FAM171A1: variants seen among roughly 807,000 people sequenced by gnomAD.
The protein encoded by FAM171A1 is family with sequence similarity 171 member A1.
FAM171A1 carries 23 observed loss-of-function variants against 74.9 expected under a neutral mutation model. That is an observed-to-expected ratio of 0.31 (90% CI 0.22 to 0.44). The LOEUF is 0.44. Among genes scored for constraint, FAM171A1 ranks in the 20% least tolerant of loss-of-function variants. FAM171A1 has a pLI of 1.00. For missense variants in FAM171A1, 1,162 were observed against 1,159.2 expected (o/e 1.00, Z -0.03); for synonymous variants, 527 against 505.7 (o/e 1.04, Z -0.57).
chr10:15,358,769 G>A (rs891746978), intron 1 of FAM171A1, among the ~76,000 whole-genome samples: 1 of 152,176 alleles, frequency 6.6e-6, no homozygotes, highest in Non-Finnish European at 1.5e-5. Flanking sequence ...CACACATGGG[G>A]TGTTTTCATC....
At chr10:15,240,853 A>G (rs1834355347) in intron 5 of FAM171A1, 2 of 404,846 alleles carry the variant, frequency 4.9e-6, no homozygotes, top group Middle Eastern at 1.2e-3. Context: ...CAGTCTGGGC[A>G]ACACAGCAAG....
chr10:15,299,760 T>C (rs1478235313), intron 1 of FAM171A1, among the ~76,000 whole-genome samples: 8 of 151,934 alleles, frequency 5.3e-5, no homozygotes, highest in Non-Finnish European at 8.8e-5. Flanking sequence ...GGGCGGATCA[T>C]GAGGTCAGGA....
In FAM171A1 at chr10:15,254,409, A is replaced by T. The variant is rs192949424; in HGVS notation, c.577+312T>A. ...TAAGTCTAATCTTATACTTAAAAAA[A>T]TTGCAATTTCAATAAGAATTTCTCT... On this transcript the variant is annotated intron_variant, in intron 4 of 7. Transcript: ENST00000378116. Among the ~76,000 whole-genome samples, 50 of 152,368 alleles carry T rather than the reference A, an allele frequency of 3.3e-4. 1 individual carries two copies. Among genetic ancestry groups the T allele is most frequent in the Admixed American group, 1.3e-3 (20 of 15,308 alleles).
chr10:15,302,119 T>A (rs1386542833), intron 1 of FAM171A1, among the ~76,000 whole-genome samples: 1 of 152,186 alleles, frequency 6.6e-6, no homozygotes, highest in South Asian at 2.1e-4. Flanking sequence ...TCCTGCTCTT[T>A]ACACCACACT....
At chr10:15,319,278 C>T (rs547631085) in intron 1 of FAM171A1, among the ~76,000 whole-genome samples, 34 of 152,234 alleles carry the variant, frequency 2.2e-4, no homozygotes, top group Admixed American at 1.1e-3. Flanking sequence ...AAAAATGATA[C>T]GTCTCCTTCC....
chr10:15,260,970 C>T (rs755821771), intron 3 of FAM171A1, among the ~76,000 whole-genome samples: 8 of 152,178 alleles, frequency 5.3e-5, no homozygotes, highest in Non-Finnish European at 8.8e-5. Context: ...TGAGAATCTC[C>T]CTGCAACGGG....
At chr10:15,321,895 A>G (rs1229698927) in intron 1 of FAM171A1, among the ~76,000 whole-genome samples, 2 of 152,198 alleles carry the variant, frequency 1.3e-5, no homozygotes, top group African/African-American at 4.8e-5. Flanking sequence ...CACACACAGC[A>G]CTGGTTTTTA....
Position 15,214,575 on chromosome 10 carries a change from T to C in FAM171A1, c.1013A>G (p.His338Arg). Reference sequence around the variant, plus strand: ...TGCAGGGAGCTGCAGTTTTCTGTGGTGCTGACGAGGTTTCAAGCACTTCCT... The same window carrying C: ...TGCAGGGAGCTGCAGTTTTCTGTGGCGCTGACGAGGTTTCAAGCACTTCCT... ...CRRKCLKPRQHHRKLQLPAGL... is the reference protein window; with the variant it reads ...CRRKCLKPRQRHRKLQLPAGL... The change falls in exon 8 of 8, where the codon CAC becomes CGC. Residue 338 changes from histidine to arginine, a missense_variant. Transcript: ENST00000378116. 1 of 1,604,554 alleles carries C rather than the reference T, an allele frequency of 6.2e-7. No homozygotes were observed. Among genetic ancestry groups the C allele is most frequent in the East Asian group, 2.2e-5 (1 of 44,640 alleles).
Position 15,213,541 on chromosome 10 carries a change from T to A in FAM171A1, c.2047A>T (p.Ser683Cys), listed in dbSNP as rs776564714. The A allele has an allele frequency of 1.2e-6, 2 of 1,614,114 alleles. No homozygotes were observed. Among genetic ancestry groups the A allele is most frequent in the South Asian group, 2.2e-5 (2 of 91,080 alleles). Residue 683 changes from serine to cysteine, a missense_variant, in exon 8 of 8, where the codon AGT (serine) becomes TGT (cysteine). Physicochemically the swap from Ser to Cys is moderately radical, Grantham distance 112. Transcript: ENST00000378116. This position sits in a 1 kb window ranked among gnomAD's most constrained non-coding sequence, Gnocchi z 6.8. ...TTTTCAGTCAGGAGCTGCACCTCAC[T>A]GTTCATCTGAGCCAAAGCCGCGTCG... Reference protein sequence around the residue: ...LNDAALAQMNSEVQLLTEKAL... With the variant: ...LNDAALAQMNCEVQLLTEKAL...
chr10:15,259,688 A>G (rs1834630965), intron 3 of FAM171A1, among the ~76,000 whole-genome samples: 1 of 151,998 alleles, frequency 6.6e-6, no homozygotes, highest in Non-Finnish European at 1.5e-5. Context: ...AAGAGGTAGA[A>G]AGGAATTATT....
rs1321354380 is a variant in FAM171A1, at chr10:15,331,380, C to T, written c.97+39576G>A. The stretch of plus-strand genomic sequence containing the variant: ...AAGTTGGAAGACCCCGGTCTTCTAA[C>T]TGAATTTCAAAAGACGTTTTACCAT... On this transcript the variant is annotated intron_variant, in intron 1 of 7. Transcript: ENST00000378116. 3.3e-5 allele frequency among the ~76,000 whole-genome samples: 5 copies of T among 152,062 alleles called. 1 individual carries two copies. Among genetic ancestry groups the T allele is most frequent in the African/African-American group, 1.2e-4 (5 of 41,382 alleles).
At chr10:15,270,850 G>C (rs1173352027) in intron 3 of FAM171A1, among the ~76,000 whole-genome samples, 2 of 152,128 alleles carry the variant, frequency 1.3e-5, no homozygotes, top group Non-Finnish European at 2.9e-5. Context: ...AAACAGAAAG[G>C]ACATCCACAC....
chr10:15,275,638 G>A (rs12257961), intron 3 of FAM171A1, among the ~76,000 whole-genome samples: 104,809 of 151,816 alleles, frequency 0.69, 37,276 homozygotes, highest in African/African-American at 0.86. Flanking sequence ...TTTAATTATT[G>A]TACATACCAA....
chr10:15,270,486 C>A (rs1301689819), intron 3 of FAM171A1, among the ~76,000 whole-genome samples: 4 of 152,224 alleles, frequency 2.6e-5, no homozygotes, highest in African/African-American at 4.8e-5. Flanking sequence ...GCAGAAACTT[C>A]TGCAGACTTA....
intron 5 of FAM171A1, among the ~76,000 whole-genome samples, chr10:15,243,499 A>T (rs981367156): frequency 3.3e-5 from 5 of 152,204 alleles, no homozygotes; most frequent in African/African-American, 4.8e-5. Flanking sequence ...GAAAGCAAGG[A>T]TGCTGCTTTC....
intron 4 of FAM171A1, among the ~76,000 whole-genome samples, chr10:15,250,299 A>T (rs1003650418): frequency 1.1e-4 from 17 of 152,212 alleles, no homozygotes; most frequent in Non-Finnish European, 1.6e-4. Flanking sequence ...TATGGTAAAA[A>T]AACAACCAAC....
At chr10:15,286,068 A>T (rs965511974) in intron 1 of FAM171A1, among the ~76,000 whole-genome samples, 6 of 152,248 alleles carry the variant, frequency 3.9e-5, no homozygotes, top group African/African-American at 1.4e-4. Flanking sequence ...GCATAGCTCA[A>T]CATATAGGTA....
At chr10:15,241,814 A>C (rs968335171) in intron 5 of FAM171A1, 5 of 152,214 alleles carry the variant, frequency 3.3e-5, no homozygotes, top group African/African-American at 1.2e-4. Flanking sequence ...AACAACAGTT[A>C]GCAGGCTTTG....
intron 5 of FAM171A1, among the ~76,000 whole-genome samples, chr10:15,242,001 T>A (rs952525181): frequency 6.6e-6 from 1 of 152,232 alleles, no homozygotes; most frequent in Non-Finnish European, 1.5e-5. Context: ...GATTCACAAG[T>A]TGCTATCTGT....
Sources: gnomAD v4.1 joint callset for allele counts (sites outside exome capture counted in the v4.1 genomes callset) on GRCh38, gnomAD v4.1.1 for gene constraint, Gnocchi (gnomAD v3.1) non-coding constraint, MANE v1.5 for transcripts, NCBI Gene and HGNC (gene_info 2026-07-23, HGNC 2026-07-21) for gene names.